Variants in RFX3 observed in about 807,000 individuals in gnomAD.
The protein encoded by RFX3 is transcription factor RFX3.
In RFX3, 14 loss-of-function variants were observed where a neutral mutation model predicts 98.6. That is an observed-to-expected ratio of 0.14 (90% CI 0.09 to 0.22). The LOEUF is 0.22. Ranked by LOEUF, RFX3 falls within the 10% of genes least tolerant of loss-of-function variation. RFX3 has a pLI of 1.00. For missense variants in RFX3, 639 were observed against 926.9 expected, an observed-to-expected ratio of 0.69 and a Z score of 4.03; for synonymous variants, 383 against 328.4, an observed-to-expected ratio of 1.17 and a Z score of -1.80.
intron 1 of RFX3, among the ~76,000 whole-genome samples, chr9:3,396,285 G>A (rs1840863935): frequency 6.6e-6 from 1 of 151,888 alleles, no homozygotes; most frequent in Non-Finnish European, 1.5e-5. Flanking sequence ...GTGAGAACAT[G>A]CGGTGTTTGG....
intron 1 of RFX3, among the ~76,000 whole-genome samples, chr9:3,429,230 G>C (rs978034628): frequency 1.1e-4 from 17 of 150,712 alleles, no homozygotes; most frequent in African/African-American, 4.1e-4. Context: ...CACCGTGTTA[G>C]CCAAGATGGT....
chr9:3,493,821 T>C lies in RFX3; in HGVS notation c.-9+31926A>G, dbSNP rs533116563. ...CCTTTCCAGTCCATCTGCTTCACAA[T>C]TTCCCAACAAGCTCTTCCAACTCTT... On this transcript the variant is annotated intron_variant, in intron 1 of 16. Transcript: ENST00000617270. Among the ~76,000 whole-genome samples the C allele has an allele frequency of 1.1e-4, 17 of 151,360 alleles. No homozygotes were observed. The South Asian group carries it at 3.3e-3, about 30-fold the overall frequency.
In RFX3 at chr9:3,296,155, G is replaced by GT. The variant is rs1210634449; in HGVS notation, c.550-2898dup. 3.3e-5 allele frequency among the ~76,000 whole-genome samples: 5 copies of GT among 151,798 alleles called. No homozygotes were observed. In the East Asian group the frequency reaches 9.7e-4, roughly 29 times the overall value. ...ATACTGTAAATTACCTTTTATAAAA[G>GT]TAAAAGCTAGTACAAATATTAAAGT... On this transcript the variant is annotated intron_variant, in intron 5 of 16. Coordinates refer to ENST00000617270, the MANE Select transcript of RFX3 (RefSeq NM_001282116.2).
chr9:3,243,167 C>T lies in RFX3; in HGVS notation c.1968+4865G>A, dbSNP rs78001155. ...ATGATTTTTAAAATTGTTTATTTAA[C>T]AGGTATGTAAACAGATGCAACTCAT... On this transcript the variant is annotated intron_variant, in intron 15 of 16. Coordinates refer to ENST00000617270, the MANE Select transcript of RFX3 (RefSeq NM_001282116.2). Among the ~76,000 whole-genome samples, 17 of 151,924 alleles carry T rather than the reference C, an allele frequency of 1.1e-4. No homozygotes were observed. The East Asian group carries it at 3.3e-3, about 29-fold the overall frequency.
At chr9:3,301,110 A>G (rs1187732832) in intron 5 of RFX3, among the ~76,000 whole-genome samples, 4 of 151,902 alleles carry the variant, frequency 2.6e-5, no homozygotes, top group Non-Finnish European at 4.4e-5. Context: ...CAAACAGTTT[A>G]TCATTGGATT....
In RFX3 at chr9:3,424,393, G is replaced by A. The variant is rs866080866; in HGVS notation, c.-8-28797C>T. On this transcript the variant is annotated intron_variant, in intron 1 of 16. Transcript: ENST00000617270. ...TTTTTTTTTTTTGAGACGGAGTCTC[G>A]CTCTGTCGCCCAGGCTGGAGTGCAG... is the stretch of plus-strand genomic sequence containing the variant. Among the ~76,000 whole-genome samples, 13 of 106,264 alleles carry A rather than the reference G, an allele frequency of 1.2e-4. No individual in the cohort carries two copies. The South Asian group carries it at 1.3e-3, about 11-fold the overall frequency. 69.7% of individuals were successfully genotyped at this position (106,264 alleles called of 152,430 possible).
intron 15 of RFX3, 63 bp downstream of exon 15, chr9:3,247,969 G>A: frequency 6.2e-6 from 10 of 1,613,908 alleles, no homozygotes; most frequent in Non-Finnish European, 8.5e-6. Context: ...TATTTAGACT[G>A]AAGTGTAATT....
chr9:3,264,848 T>C (rs605946), intron 12 of RFX3, among the ~76,000 whole-genome samples: 148,727 of 152,278 alleles, frequency 0.98, 72,714 homozygotes, highest in Middle Eastern at 1. Context: ...AACCAAACTC[T>C]GGAGGTCAAT....
At chr9:3,416,869 T>G (rs1238683717) in intron 1 of RFX3, among the ~76,000 whole-genome samples, 1 of 152,050 alleles carries the variant, frequency 6.6e-6, no homozygotes, top group Admixed American at 6.6e-5. Flanking sequence ...GGCAACACAG[T>G]AGATTTAAAT....
chr9:3,296,542 T>C (rs1586925725), intron 5 of RFX3, among the ~76,000 whole-genome samples: 1 of 152,218 alleles, frequency 6.6e-6, no homozygotes, highest in East Asian at 1.9e-4. Flanking sequence ...TTTGTTTATA[T>C]GTATATATGC....
At chr9:3,352,585 G>A (rs532399730) in intron 2 of RFX3, among the ~76,000 whole-genome samples, 39 of 151,948 alleles carry the variant, frequency 2.6e-4, no homozygotes, top group South Asian at 1.0e-3. Flanking sequence ...ATATTAAAAC[G>A]TATTGAAAGA....
At chr9:3,419,142 T>TA (rs1843230286) in intron 1 of RFX3, among the ~76,000 whole-genome samples, 1 of 152,162 alleles carries the variant, frequency 6.6e-6, no homozygotes, top group Admixed American at 6.5e-5. Flanking sequence ...CCATTTGGTT[T>TA]AAAAAAACAA....
At chr9:3,462,584 G>T (rs1587749874) in intron 1 of RFX3, among the ~76,000 whole-genome samples, 1 of 152,120 alleles carries the variant, frequency 6.6e-6, no homozygotes, top group African/African-American at 2.4e-5. Context: ...AATTAGAAAA[G>T]AAGTAGTAAA....
chr9:3,472,320 A>T (rs1241272200), intron 1 of RFX3, among the ~76,000 whole-genome samples: 1 of 152,104 alleles, frequency 6.6e-6, no homozygotes, highest in African/African-American at 2.4e-5. Context: ...CTTACTACTT[A>T]AATGACCTTG....
intron 1 of RFX3, among the ~76,000 whole-genome samples, chr9:3,497,460 CT>C (rs1297174937): frequency 6.6e-6 from 1 of 151,874 alleles, no homozygotes; most frequent in Admixed American, 6.6e-5. Context: ...GAGTTTTTGC[CT>C]GGTAAAGGCA....
intron 2 of RFX3, among the ~76,000 whole-genome samples, chr9:3,362,928 T>C (rs948921219): frequency 6.6e-6 from 1 of 152,212 alleles, no homozygotes; most frequent in Non-Finnish European, 1.5e-5. Flanking sequence ...TTTAGAATAA[T>C]TTCTCAGCGA....
chr9:3,308,620 A>G (rs540513338), intron 4 of RFX3, among the ~76,000 whole-genome samples: 1 of 152,308 alleles, frequency 6.6e-6, no homozygotes, highest in East Asian at 1.9e-4. Context: ...ATCTCTTTGC[A>G]AGATGTCATA....
At chr9:3,465,942 T>C (rs1379184724) in intron 1 of RFX3, among the ~76,000 whole-genome samples, 3 of 152,168 alleles carry the variant, frequency 2.0e-5, no homozygotes, top group Non-Finnish European at 4.4e-5. Flanking sequence ...ATGATGTAGC[T>C]GTGACCATAT....
At chr9:3,362,461 G>T (rs555838500) in intron 2 of RFX3, among the ~76,000 whole-genome samples, 14 of 152,198 alleles carry the variant, frequency 9.2e-5, no homozygotes, top group Admixed American at 5.2e-4. Context: ...TAGCTCTTTG[G>T]ATATAATTTT....
Sources: gnomAD v4.1 joint callset for allele counts (sites outside exome capture counted in the v4.1 genomes callset) on GRCh38, gnomAD v4.1.1 for gene constraint, MANE v1.5 for transcripts, NCBI Gene and HGNC (gene_info 2026-07-23, HGNC 2026-07-21) for gene names.